The following VPS13B variants were observed in gnomAD, a reference collection of about 807,000 sequenced individuals.
The protein encoded by VPS13B is intermembrane lipid transfer protein VPS13B.
Under a neutral mutation model 426.4 loss-of-function variants are expected in VPS13B, and 285 were observed. The ratio of observed to expected loss-of-function variants is 0.67; its 90% CI spans 0.61 to 0.74. VPS13B has a LOEUF of 0.74. Among genes scored for constraint, VPS13B ranks in the 30% least tolerant of loss-of-function variants. The probability of loss-of-function intolerance (pLI) is 0.00; values close to 1 mark genes in which losing one functional copy is unlikely to be tolerated. For missense variants in VPS13B, 4,537 were observed against 4,782.6 expected (o/e 0.95, Z 1.51); for synonymous variants, 1,676 against 1,676.4 (o/e 1.00, Z 0.01).
At chr8:99,121,009 A>G (rs1321866391) in intron 7 of VPS13B, among the ~76,000 whole-genome samples, 168 bp from the exon 8 acceptor site, 1 of 152,236 alleles carries the variant, frequency 6.6e-6, no homozygotes, top group African/African-American at 2.4e-5. Flanking sequence ...CAGAAAGTTG[A>G]GAGTCATAAT....
rs867217097 is a variant in VPS13B, at chr8:99,028,566, A to T, written c.148-9857A>T. 9.2e-4 allele frequency among the ~76,000 whole-genome samples: 44 copies of T among 47,690 alleles called. 4 individuals are homozygous for T. Among genetic ancestry groups the T allele is most frequent in the African/African-American group, 3.4e-3 (40 of 11,758 alleles). The allele number at this position is 47,690 out of a possible 152,430, so 31.3% of individuals were successfully genotyped here. On this transcript the variant is annotated intron_variant, in intron 2 of 61. Coordinates refer to ENST00000357162, the MANE Select transcript of VPS13B (RefSeq NM_152564.5). ...TCCCGGACGGGGCGGCTGGCCGGGC[A>T]GGGGGCTGACCCCCCTCCCCCCTCC...
At chr8:99,318,662 G>A (rs1014183196) in intron 19 of VPS13B, among the ~76,000 whole-genome samples, 2 of 152,082 alleles carry the variant, frequency 1.3e-5, no homozygotes, top group African/African-American at 4.8e-5. Context: ...TGGGACTACA[G>A]GCACGCACCA....
intron 8 of VPS13B, among the ~76,000 whole-genome samples, chr8:99,122,808 G>A (rs1469655959): frequency 2.6e-5 from 4 of 151,906 alleles, no homozygotes; most frequent in African/African-American, 9.7e-5. Flanking sequence ...GAATATAAAG[G>A]TTAGGTAGAA....
In VPS13B at chr8:99,147,772, C is replaced by CA. The variant is rs1455500648; in HGVS notation, c.1844-68dup. 5 of 1,071,816 alleles carry CA rather than the reference C, an allele frequency of 4.7e-6. No individual in the cohort carries two copies. In the African/African-American group the frequency reaches 6.6e-5, roughly 14 times the overall value. The allele number at this position is 1,071,816 out of a possible 1,614,324, so 66.4% of individuals were successfully genotyped here. A position where few individuals can be genotyped will look rare whatever the true frequency, so the allele number is the denominator to read the frequency against. On this transcript the variant is annotated intron_variant, in intron 13 of 61. Coordinates refer to ENST00000357162, the MANE Select transcript of VPS13B (RefSeq NM_152564.5). ...GACCTTATAGTTTGGAGAACTAATT[C>CA]ATTTTTCAGTTGTTTAAGAATATTA...
intron 17 of VPS13B, among the ~76,000 whole-genome samples, chr8:99,212,544 G>A (rs1815148420): frequency 6.6e-6 from 1 of 152,150 alleles, no homozygotes; most frequent in Admixed American, 6.5e-5. Flanking sequence ...GGTGGAGGAA[G>A]GCAGAGCTGA....
At chr8:99,500,198 T>C (rs1302651594) in intron 25 of VPS13B, among the ~76,000 whole-genome samples, 2 of 152,182 alleles carry the variant, frequency 1.3e-5, no homozygotes, top group Non-Finnish European at 2.9e-5. Flanking sequence ...AAGGGGTATT[T>C]TGTTCTGACA....
At chr8:99,816,558 C>G (rs1044663297) in intron 44 of VPS13B, among the ~76,000 whole-genome samples, 1 of 152,136 alleles carries the variant, frequency 6.6e-6, no homozygotes, top group Non-Finnish European at 1.5e-5. Flanking sequence ...GTAATCCCAG[C>G]ATTTTGGGAG....
At chr8:99,131,903 A>C in intron 8 of VPS13B, among the ~76,000 whole-genome samples, 1 of 151,896 alleles carries the variant, frequency 6.6e-6, no homozygotes, top group East Asian at 1.9e-4. Flanking sequence ...TCAGAGTAGG[A>C]CTATTTTTTT....
At chr8:99,360,167 TTTCTTTC>T (rs1342938019) in intron 19 of VPS13B, among the ~76,000 whole-genome samples, 1 of 39,920 alleles carries the variant, frequency 2.5e-5, no homozygotes, top group Admixed American at 2.8e-4. Flanking sequence ...TCTTTCTTTC[TTTCTTTC>T]TTTCTTTCTT....
chr8:99,480,018 G>A (rs147681903), intron 24 of VPS13B, among the ~76,000 whole-genome samples: 6 of 152,278 alleles, frequency 3.9e-5, no homozygotes, highest in East Asian at 1.9e-4. Context: ...AAATGAGAGC[G>A]TTAGTTACTC....
chr8:99,435,815 C>T (rs913723684), intron 22 of VPS13B, among the ~76,000 whole-genome samples: 1 of 151,956 alleles, frequency 6.6e-6, no homozygotes, highest in Non-Finnish European at 1.5e-5. Flanking sequence ...GTAGCTTTTC[C>T]AGGTTAGGGG....
chr8:99,081,369 C>T (rs1254139446), intron 3 of VPS13B, among the ~76,000 whole-genome samples: 4 of 152,074 alleles, frequency 2.6e-5, no homozygotes, highest in African/African-American at 9.7e-5. Flanking sequence ...TCTAGTCAGC[C>T]TTTATCAGAA....
chr8:99,350,129 T>C (rs1396889542), intron 19 of VPS13B, among the ~76,000 whole-genome samples: 1 of 152,084 alleles, frequency 6.6e-6, no homozygotes, highest in Non-Finnish European at 1.5e-5. Context: ...AGGCATTAAC[T>C]CGGTCAAGAT....
At chr8:99,576,904 C>T (rs536972072) in intron 32 of VPS13B, among the ~76,000 whole-genome samples, 63 of 152,154 alleles carry the variant, frequency 4.1e-4, no homozygotes, top group African/African-American at 1.5e-3. Flanking sequence ...TTCAACACTC[C>T]GTTTTCTTAT....
At chr8:99,143,493 T>C (rs1810543524) in intron 13 of VPS13B, among the ~76,000 whole-genome samples, 1 of 152,102 alleles carries the variant, frequency 6.6e-6, no homozygotes, top group Non-Finnish European at 1.5e-5. Flanking sequence ...AGATACAAAA[T>C]TGGGCTCTAA....
At chr8:99,179,078 A>T (rs1489798453) in intron 16 of VPS13B, among the ~76,000 whole-genome samples, 1 of 152,206 alleles carries the variant, frequency 6.6e-6, no homozygotes, top group Non-Finnish European at 1.5e-5. Flanking sequence ...AATACTTAAC[A>T]TTGTTCAGAT....
At chr8:99,515,441 G>A (rs1822014667) in intron 29 of VPS13B, among the ~76,000 whole-genome samples, 1 of 151,976 alleles carries the variant, frequency 6.6e-6, no homozygotes, top group Non-Finnish European at 1.5e-5. Flanking sequence ...TGCTGCTGCT[G>A]CTGCTTTTTC....
At chr8:99,298,694 C>T (rs904733299) in intron 19 of VPS13B, among the ~76,000 whole-genome samples, 9 of 152,166 alleles carry the variant, frequency 5.9e-5, no homozygotes, top group Admixed American at 5.9e-4. Flanking sequence ...ATTATCCCAA[C>T]ACTGTTTAAG....
chr8:99,580,503 T>C (rs78731347), intron 33 of VPS13B, among the ~76,000 whole-genome samples: 3,405 of 151,970 alleles, frequency 0.022, 137 homozygotes, highest in African/African-American at 0.078. Flanking sequence ...TAATGTAGTA[T>C]ATTTTTTGAA....
Sources: allele counts gnomAD v4.1 joint callset (sites outside exome capture counted in the v4.1 genomes callset), GRCh38; gene constraint gnomAD v4.1.1; transcripts MANE v1.5; gene names NCBI Gene and HGNC (gene_info 2026-07-23, HGNC 2026-07-21).